Variants in TTN observed in about 807,000 individuals in gnomAD.
TTN encodes connectin.
In TTN, 1,525 loss-of-function variants were observed where a neutral mutation model predicts 3,223.0. The observed-to-expected ratio is 0.47, with a 90% CI of 0.45 to 0.49. The LOEUF (loss-of-function observed/expected upper bound fraction) is 0.49, where lower values mean the gene tolerates loss of function less well. TTN is among the 20% of genes least tolerant of loss of function. TTN has a pLI of 0.00. For synonymous variants in TTN, 14,094 were observed against 15,161.0 expected (o/e 0.93, Z 5.17); for missense variants, 40,786 against 43,424.0 (o/e 0.94, Z 5.40).
Position 178,614,717 on chromosome 2 carries a change from G to T in TTN, c.48797C>A (p.Ala16266Asp), listed in dbSNP as rs2056981023. 6.2e-7 allele frequency: 1 copy of T among 1,610,760 alleles called. No individual in the cohort carries two copies. Among genetic ancestry groups the T allele is most frequent in the South Asian group, 1.1e-5 (1 of 90,782 alleles). The change falls in exon 261 of 363, where the codon GCT becomes GAT. Residue 16266 changes from alanine (A) to aspartate (D), a missense_variant. Transcript: ENST00000589042. Reference protein sequence around the residue: ...PEIFLDVKLLAGLTVKAGTKI... With the variant: ...PEIFLDVKLLDGLTVKAGTKI... Reference sequence around the variant, plus strand: ...GGTCCCAGCTTTTACAGTGAGACCAGCAAGGAGCTTCACATCGAGGAAGAT... The same window carrying T: ...GGTCCCAGCTTTTACAGTGAGACCATCAAGGAGCTTCACATCGAGGAAGAT...
Position 178,570,837 on chromosome 2 carries a change from C to G in TTN, c.75295G>C (p.Ala25099Pro). The G allele has an allele frequency of 6.2e-7, 1 of 1,613,492 alleles. No homozygotes were observed. Among genetic ancestry groups the G allele is most frequent in the Non-Finnish European group, 8.5e-7 (1 of 1,179,608 alleles). ...VFSEPSESTG[A>P]ITARDEVDPP... ...TCTACCTCATCTCTAGCTGTTATTG[C>G]TCCTGTGCTTTCTGAAGGCTCACTA... is the stretch of plus-strand genomic sequence containing the variant. The change falls in exon 326 of 363, where the codon GCA becomes CCA. Residue 25099 changes from alanine to proline, a missense_variant. Physicochemically the swap from Ala to Pro is conservative, Grantham distance 27. Coordinates refer to ENST00000589042, the MANE Select transcript of TTN (RefSeq NM_001267550.2).
In TTN at chr2:178,552,478, A is replaced by ACTTGTGC. The variant is rs1699828609; in HGVS notation, c.90415_90421dup (p.Val30141GlyfsTer14). ...CACATTGTGCCCAATTCTCACAGTG[A>ACTTGTGC]CTTGTGCCCCAGGGATATCTGACAG... is the stretch of plus-strand genomic sequence containing the variant. On this transcript the variant is annotated frameshift_variant, in exon 335 of 363. Transcript: ENST00000589042. LOFTEE classifies it high-confidence loss of function. The ACTTGTGC allele has an allele frequency of 6.2e-7, 1 of 1,611,568 alleles. No homozygotes were observed. Among genetic ancestry groups the ACTTGTGC allele is most frequent in the Non-Finnish European group, 8.5e-7 (1 of 1,178,004 alleles).
chr2:178,721,378 C>CT (rs1560679543), intron 78 of TTN, among the ~76,000 whole-genome samples, 176 bp from the exon 79 acceptor site: 98 of 151,582 alleles, frequency 6.5e-4, no homozygotes, highest in African/African-American at 2.3e-3. Flanking sequence ...AATCTCATAA[C>CT]ATTTTTTTTT....
At chr2:178,744,791 A>T (rs1321707308) in intron 47 of TTN, 2 of 985,022 alleles carry the variant, frequency 2.0e-6, no homozygotes, top group African/African-American at 3.5e-5. Flanking sequence ...CCAATACTAA[A>T]TTATTGCTGC....
chr2:178,548,251 A>G lies in TTN; in HGVS notation c.93375T>C (p.Thr31125=), dbSNP rs1060503936. ...AAGCTAAGACTGCGGAGGATTTGCT[A>G]GTATCAACAACATCAAGTCTCCTAG... is the stretch of plus-strand genomic sequence containing the variant. ...APPRRLDVVD[T]SKSSAVLAWL... is the part of the protein sequence containing the mutation. Residue 31125 remains threonine, a synonymous_variant, in exon 339 of 363, where the codon ACT becomes ACC. Coordinates refer to ENST00000589042, the MANE Select transcript of TTN (RefSeq NM_001267550.2). The surrounding 1 kb of genome is among the most constrained non-coding windows in gnomAD (Gnocchi z 4.3). The G allele has an allele frequency of 2.5e-6, 4 of 1,613,836 alleles. No individual in the cohort carries two copies. The highest frequency in any genetic ancestry group is 2.2e-5 in the South Asian group (2 of 91,084).
rs930361700 is a variant in TTN, at chr2:178,547,565, G to A, written c.94061C>T (p.Thr31354Ile). 6 of 1,613,726 alleles carry A rather than the reference G, an allele frequency of 3.7e-6. No individual in the cohort carries two copies. The African/African-American group carries it at 5.3e-5, about 14-fold the overall frequency. ...ACTGGAATTGACAAGCTGCCAAGCT[G>A]TTGTACCCGATTCACGCTTTTCAAC... ...YIVEKRESGT[T>I]AWQLVNSSVK... The change falls in exon 339 of 363, where the codon ACA becomes ATA. Residue 31354 changes from threonine to isoleucine, a missense_variant. Transcript: ENST00000589042.
chr2:178,652,911 C>T lies in TTN; in HGVS notation c.38896G>A (p.Val12966Ile). 1.2e-6 allele frequency: 2 copies of T among 1,608,528 alleles called. No homozygotes were observed. Among genetic ancestry groups the T allele is most frequent in the Non-Finnish European group, 1.7e-6 (2 of 1,178,084 alleles). The change falls in exon 200 of 363, where the codon GTT becomes ATT. Residue 12966 changes from valine to isoleucine, a missense_variant. Transcript: ENST00000589042. ...PVKVPEAPIE[V>I]VPEKKMPLAP... is the part of the protein sequence containing the mutation. ...AAGGGCATTTTCTTTTCAGGAACAA[C>T]CTCTATGGGAGCCTCTGGCACTTAA...
At chr2:178,725,724 T>C (rs1224626848) in intron 70 of TTN, 44 bp downstream of exon 70, 1 of 1,549,542 alleles carries the variant, frequency 6.5e-7, no homozygotes, top group Non-Finnish European at 8.7e-7. Flanking sequence ...AGTAGGATTT[T>C]GCACATTTAT....
chr2:178,740,275 C>T lies in TTN; in HGVS notation c.12958G>A (p.Val4320Ile), dbSNP rs1214703625. The T allele has an allele frequency of 6.2e-7, 1 of 1,613,574 alleles. No homozygotes were observed. The highest frequency in any genetic ancestry group is 2.2e-5 in the East Asian group (1 of 44,870). Residue 4320 changes from valine to isoleucine, a missense_variant, in exon 48 of 363, where the codon GTC (valine) becomes ATC (isoleucine). Coordinates refer to ENST00000589042, the MANE Select transcript of TTN (RefSeq NM_001267550.2). ...PLENAGQDSAVRIEEGKSLRF... is the reference protein window; with the variant it reads ...PLENAGQDSAIRIEEGKSLRF... ...AAGGACTTGCCTTCCTCAATTCTGA[C>T]CGCAGAATCTTGCCCTGCATTTTCC...
chr2:178,734,394 C>T lies in TTN; in HGVS notation c.15430G>A (p.Glu5144Lys), dbSNP rs766612317. Residue 5144 changes from glutamate to lysine, a missense_variant, in exon 52 of 363, where the codon GAA becomes AAA. Transcript: ENST00000589042. Reference sequence around the variant, plus strand: ...TCATTAGCAACAACACATTCATATTCACCAACATCTGCACTATTAAACGAA... The same window carrying T: ...TCATTAGCAACAACACATTCATATTTACCAACATCTGCACTATTAAACGAA... ...IFSFNSADVG[E>K]YECVVANEVG... The T allele has an allele frequency of 5.9e-5, 95 of 1,613,038 alleles. No individual in the cohort carries two copies. The highest frequency in any genetic ancestry group is 8.0e-5 in the Non-Finnish European group (94 of 1,179,382).
rs746213185 is a variant in TTN at position 178,531,817 on chromosome 2, T to A, written c.104798A>T (p.Gln34933Leu). Residue 34933 changes from glutamine to leucine, a missense_variant, in exon 358 of 363, where the codon CAG becomes CTG. Transcript: ENST00000589042. ...GGCATGGTCCAGTGTGAAAGGCTGC[T>A]GACTCAAAACTTCATACTTCCTTTC... The part of the protein sequence containing the change: ...TSERKYEVLS[Q>L]QPFTLDHAPR... The A allele has an allele frequency of 5.6e-6, 9 of 1,613,900 alleles. No homozygotes were observed. The African/African-American group carries it at 1.2e-4, about 22-fold the overall frequency.
Position 178,568,466 on chromosome 2 carries a change from T to C in TTN, c.77666A>G (p.Asp25889Gly), listed in dbSNP as rs1706805666. Residue 25889 changes from aspartate to glycine, a missense_variant, in exon 326 of 363, where the codon GAT (aspartate) becomes GGT (glycine). By Grantham distance (94) the Asp-to-Gly change is moderately conservative. Coordinates refer to ENST00000589042, the MANE Select transcript of TTN (RefSeq NM_001267550.2). ...AGGTCCTTTTGGAGGATCAGGTTTA[T>C]CTAGAGTTACAATTTCGATGGATGC... ...KTASIEIVTL[D>G]KPDPPKGPVK... is the part of the protein sequence containing the mutation. 6.2e-7 allele frequency: 1 copy of C among 1,613,262 alleles called. No homozygotes were observed. Among genetic ancestry groups the C allele is most frequent in the Non-Finnish European group, 8.5e-7 (1 of 1,179,592 alleles).
At position 178,682,740 on chromosome 2, in the gene TTN, C is replaced by T. The variant is rs764101583; in HGVS notation, c.33051G>A (p.Glu11017=). Residue 11017 remains glutamate (E), a synonymous_variant, in exon 135 of 363, where the codon GAG becomes GAA. Transcript: ENST00000589042. ...GCTCTTCATATCGTTCATACTCCCG[C>T]TCCTCGTATTCTTCATATTGGTCAT... The part of the protein sequence containing the change: ...EEYDQYEEYE[E]REYERYEEHE... 1 of 1,612,938 alleles carries T rather than the reference C, an allele frequency of 6.2e-7. No individual in the cohort carries two copies. Among genetic ancestry groups the T allele is most frequent in the South Asian group, 1.1e-5 (1 of 90,968 alleles).
Position 178,634,369 on chromosome 2 carries a change from T to G in TTN, c.42412A>C (p.Thr14138Pro), listed in dbSNP as rs376500376. 5.6e-6 allele frequency: 9 copies of G among 1,603,264 alleles called. No individual in the cohort carries two copies. In the African/African-American group the frequency reaches 1.2e-4, roughly 22 times the overall value. Residue 14138 changes from threonine (T) to proline (P), a missense_variant, in exon 230 of 363, where the codon ACA (threonine) becomes CCA (proline). Coordinates refer to ENST00000589042, the MANE Select transcript of TTN (RefSeq NM_001267550.2). The surrounding 1 kb of genome is among the most constrained non-coding windows in gnomAD (Gnocchi z 4.6). ...GKKTSARLFVTGIRLKFMSPL... is the reference protein window; with the variant it reads ...GKKTSARLFVPGIRLKFMSPL... ...CAGATCTCATTAGCTCGCTTACCTG[T>G]GACAAACAACCGAGCTGAGGTCTTC...
At position 178,592,430 on chromosome 2, in the gene TTN, C is replaced by T. The variant is rs778885421; in HGVS notation, c.59575G>A (p.Val19859Met). The T allele has an allele frequency of 3.1e-6, 5 of 1,613,428 alleles. No individual in the cohort carries two copies. The East Asian group carries it at 8.9e-5, about 29-fold the overall frequency. Residue 19859 changes from valine to methionine, a missense_variant, in exon 301 of 363, where the codon GTG becomes ATG. By Grantham distance (21) the Val-to-Met change is conservative (BLOSUM62 1). Coordinates refer to ENST00000589042, the MANE Select transcript of TTN (RefSeq NM_001267550.2). ...HEDGGIYSLT[V>M]ENPAGSKTVS... ...GTTTTTGAACCAGCTGGATTCTCCA[C>T]TGTTAAAGAATAAATTCCACCATCT... is the stretch of plus-strand genomic sequence containing the variant.
intron 311 of TTN, 117 bp from the exon 312 acceptor site, chr2:178,584,023 C>T: frequency 1.6e-6 from 2 of 1,214,640 alleles, no homozygotes; most frequent in Non-Finnish European, 2.2e-6. Flanking sequence ...ACAATTATCC[C>T]ATTTTAATAA....
In TTN at chr2:178,697,163, C is replaced by A; in HGVS notation, c.30760G>T (p.Val10254Phe). The A allele has an allele frequency of 6.5e-7, 1 of 1,542,634 alleles. No homozygotes were observed. Among genetic ancestry groups the A allele is most frequent in the Admixed American group, 2.0e-5 (1 of 49,784 alleles). The change falls in exon 113 of 363, where the codon GTC becomes TTC. Residue 10254 changes from valine to phenylalanine, a missense_variant. Transcript: ENST00000589042. ...PKEMTPREEI[V>F]KKPPPPTTLI... ...GTAGTAGGAGGTGGAGGCTTCTTGA[C>A]AATCTCTGGGAGTTTAAAAACATAA...
rs1361526825 is a variant in TTN at position 178,770,430 on chromosome 2, C to T, written c.8362G>A (p.Ala2788Thr). Residue 2788 changes from alanine to threonine, a missense_variant, in exon 35 of 363, where the codon GCC (alanine) becomes ACC (threonine). Ala to Thr is a moderately conservative substitution (Grantham distance 58). Coordinates refer to ENST00000589042, the MANE Select transcript of TTN (RefSeq NM_001267550.2). ...GFRLGRLGASARLHVETVKII... is the reference protein window; with the variant it reads ...GFRLGRLGASTRLHVETVKII... Reference sequence around the variant, plus strand: ...AACTTACTCTCCACGTGCAGTCTGGCACTGGCTCCAAGCCTTCCAAGCCTG... The same window carrying T: ...AACTTACTCTCCACGTGCAGTCTGGTACTGGCTCCAAGCCTTCCAAGCCTG... 9 of 1,614,052 alleles carry T rather than the reference C, an allele frequency of 5.6e-6. No individual in the cohort carries two copies. In the Admixed American group the frequency reaches 1.0e-4, roughly 18 times the overall value.
At position 178,557,031 on chromosome 2, in the gene TTN, G is replaced by A. The variant is rs368439674; in HGVS notation, c.88123C>T (p.Arg29375Cys). The change falls in exon 330 of 363, where the codon CGT (arginine) becomes TGT (cysteine). Residue 29375 changes from arginine (R) to cysteine (C), a missense_variant. Transcript: ENST00000589042. ...GTCCATCTGCCATCTGGAAGGTCACGTCTCTCAACAATGTAGCCTGTAATC... is the reference window on the plus strand; with the variant it reads ...GTCCATCTGCCATCTGGAAGGTCACATCTCTCAACAATGTAGCCTGTAATC... ...SKITGYIVER[R>C]DLPDGRWTKA... is the part of the protein sequence containing the mutation. The A allele has an allele frequency of 3.2e-5, 51 of 1,613,634 alleles. No individual in the cohort carries two copies. The highest frequency in any genetic ancestry group is 2.0e-4 in the East Asian group (9 of 44,788).
Sources: allele counts gnomAD v4.1 joint callset (sites outside exome capture counted in the v4.1 genomes callset), GRCh38; gene constraint gnomAD v4.1.1; non-coding constraint Gnocchi (gnomAD v3.1); transcripts MANE v1.5; gene names NCBI Gene and HGNC (gene_info 2026-07-23, HGNC 2026-07-21).